The following CDS2 variants were observed in gnomAD, a reference collection of about 807,000 sequenced individuals.
The protein encoded by CDS2 is CDP-diacylglycerol synthase 2, also known as phosphatidate cytidylyltransferase 2.
A neutral mutation model predicts 59.0 loss-of-function variants in CDS2; 47 were observed. That is an observed-to-expected ratio of 0.80 (90% CI 0.63 to 1.02). The LOEUF (loss-of-function observed/expected upper bound fraction) is 1.02, where lower values mean the gene tolerates loss of function less well. CDS2 is among the 50% of genes least tolerant of loss of function. CDS2 has a pLI of 0.00. For missense variants in CDS2, 356 were observed against 558.9 expected (o/e 0.64, Z 3.66); for synonymous variants, 207 against 206.4 (o/e 1.00, Z -0.02).
rs142335149 is a variant in CDS2 at position 5,134,913 on chromosome 20, A to T, written c.57+7764A>T. On this transcript the variant is annotated intron_variant, in intron 1 of 12. Transcript: ENST00000460006. ...CATAATACTTGATAAAATCATTCAG[A>T]ATATGTTTGATAAACAAGAAGATTG... 1.5e-3 allele frequency among the ~76,000 whole-genome samples: 225 copies of T among 152,300 alleles called. 1 individual carries two copies. The highest frequency in any genetic ancestry group is 5.2e-3 in the African/African-American group (216 of 41,554).
chr20:5,139,082 C>T (rs1164509047), intron 1 of CDS2, among the ~76,000 whole-genome samples: 1 of 152,200 alleles, frequency 6.6e-6, no homozygotes, highest in Non-Finnish European at 1.5e-5. Flanking sequence ...TGGCTCATGC[C>T]TGTAATCCCA....
Position 5,179,191 on chromosome 20 carries a change from G to A in CDS2, c.529+235G>A, listed in dbSNP as rs568033076. Among the ~76,000 whole-genome samples, 10 of 148,298 alleles carry A rather than the reference G, an allele frequency of 6.7e-5. No individual in the cohort carries two copies. The East Asian group carries it at 1.2e-3, about 18-fold the overall frequency. On this transcript the variant is annotated intron_variant, in intron 5 of 12. Coordinates refer to ENST00000460006, the MANE Select transcript of CDS2 (RefSeq NM_003818.4). ...GGCCAGAGTGCAGTGGCACCATCTCGGCTGACTGCAACCTCCACCTCCCAA... is the reference window on the plus strand; with the variant it reads ...GGCCAGAGTGCAGTGGCACCATCTCAGCTGACTGCAACCTCCACCTCCCAA...
At chr20:5,185,007 G>A in intron 8 of CDS2, 62 bp downstream of exon 8, 2 of 1,184,564 alleles carry the variant, frequency 1.7e-6, no homozygotes, top group South Asian at 1.2e-5. Context: ...CTCAATGTGA[G>A]TAGATCAGCC....
chr20:5,165,972 C>T (rs1405371547), intron 1 of CDS2, among the ~76,000 whole-genome samples: 1 of 152,178 alleles, frequency 6.6e-6, no homozygotes, highest in African/African-American at 2.4e-5. Flanking sequence ...ACCCTGATCT[C>T]AAGGGGCTTG....
chr20:5,172,868 A>G (rs1197562706), intron 1 of CDS2, among the ~76,000 whole-genome samples: 1 of 152,166 alleles, frequency 6.6e-6, no homozygotes, highest in East Asian at 1.9e-4. Flanking sequence ...TGCTGCTGGC[A>G]TGGCTCTGGT....
intron 1 of CDS2, chr20:5,128,180 C>T (rs901113972): frequency 2.0e-5 from 3 of 152,228 alleles, no homozygotes; most frequent in African/African-American, 7.2e-5. Flanking sequence ...CACTTTGTCA[C>T]CTGCTCAATG....
chr20:5,145,236 A>ACCCCCCC (rs796723724), intron 1 of CDS2, among the ~76,000 whole-genome samples: 125 of 51,994 alleles, frequency 2.4e-3, no homozygotes, highest in Non-Finnish European at 2.9e-3. Flanking sequence ...GAAAGGAAAG[A>ACCCCCCC]CCCCCCCCCC....
intron 1 of CDS2, among the ~76,000 whole-genome samples, chr20:5,140,561 G>C (rs2090685385): frequency 6.6e-6 from 1 of 152,128 alleles, no homozygotes; most frequent in Admixed American, 6.5e-5. Flanking sequence ...TGAACAATAG[G>C]GCTGAGAATA....
intron 1 of CDS2, among the ~76,000 whole-genome samples, chr20:5,153,934 C>CT (rs1044150883): frequency 7.9e-5 from 12 of 152,168 alleles, no homozygotes; most frequent in African/African-American, 2.7e-4. Flanking sequence ...TGGCCTCCCC[C>CT]TAATAGGATG....
chr20:5,134,654 GGGATTACA>G (rs2090634075), intron 1 of CDS2, among the ~76,000 whole-genome samples: 1 of 151,962 alleles, frequency 6.6e-6, no homozygotes, highest in African/African-American at 2.4e-5. Flanking sequence ...CCGAGTAGCT[GGGATTACA>G]GGCGCCCACC....
chr20:5,131,882 ACAG>A (rs1381783282), intron 1 of CDS2, among the ~76,000 whole-genome samples: 6 of 152,258 alleles, frequency 3.9e-5, no homozygotes, highest in African/African-American at 1.4e-4. Flanking sequence ...GTATGGGCTG[ACAG>A]CAGAGCTTGT....
Position 5,175,196 on chromosome 20 carries a change from T to A in CDS2, c.208T>A (p.Trp70Arg), listed in dbSNP as rs761889624. The A allele has an allele frequency of 6.2e-7, 1 of 1,613,850 alleles. No individual in the cohort carries two copies. The highest frequency in any genetic ancestry group is 1.1e-5 in the South Asian group (1 of 91,064). ...SNLSSRWKNW[W>R]VRGILTLAMI... ...TCTCTGACCTAGATGGAAGAACTGG[T>A]GGGTGAGAGGCATCCTGACTTTGGC... is the stretch of plus-strand genomic sequence containing the variant. The change falls in exon 3 of 13, where the codon TGG becomes AGG. Residue 70 changes from tryptophan (W) to arginine (R), a missense_variant. Physicochemically the swap from Trp to Arg is moderately radical, Grantham distance 101. This residue lies in a region of CDS2 where 107 missense variants were observed against 129.7 expected (regional missense o/e 0.82). Transcript: ENST00000460006.
intron 1 of CDS2, among the ~76,000 whole-genome samples, chr20:5,151,353 C>T (rs895359985): frequency 9.2e-5 from 14 of 152,170 alleles, no homozygotes; most frequent in African/African-American, 3.1e-4. Context: ...AAACGCACAA[C>T]ATAAATTACC....
At chr20:5,174,855 A>G (rs1378132652) in intron 2 of CDS2, among the ~76,000 whole-genome samples, 1 of 152,180 alleles carries the variant, frequency 6.6e-6, no homozygotes, top group East Asian at 1.9e-4. Context: ...TTTTCTTCAG[A>G]TAGTCAGCTG....
chr20:5,150,577 G>A (rs1392381193), intron 1 of CDS2, among the ~76,000 whole-genome samples: 3 of 152,190 alleles, frequency 2.0e-5, no homozygotes, highest in Non-Finnish European at 4.4e-5. Flanking sequence ...AGAAGGGGAG[G>A]TGACAGGGGC....
intron 1 of CDS2, 77 bp downstream of exon 1, chr20:5,127,226 G>A: frequency 1.5e-6 from 2 of 1,303,574 alleles, no homozygotes. Flanking sequence ...GCGCAGAGGG[G>A]TCGTCTTGTT....
chr20:5,150,785 C>T (rs1015850549), intron 1 of CDS2, among the ~76,000 whole-genome samples: 6 of 152,200 alleles, frequency 3.9e-5, no homozygotes, highest in African/African-American at 4.8e-5. Context: ...ACTGTCCAAA[C>T]CCTCATTAGG....
At chr20:5,134,553 T>C (rs1600465990) in intron 1 of CDS2, among the ~76,000 whole-genome samples, 1 of 152,198 alleles carries the variant, frequency 6.6e-6, no homozygotes, top group Non-Finnish European at 1.5e-5. Context: ...GGAGTTTCTC[T>C]CTTGTTGCCC....
intron 1 of CDS2, among the ~76,000 whole-genome samples, chr20:5,159,868 C>T (rs1183857867): frequency 1.3e-5 from 2 of 152,056 alleles, no homozygotes; most frequent in Non-Finnish European, 2.9e-5. Flanking sequence ...GGGTTGTGCA[C>T]CTGTGTAAAG....
Sources: allele counts gnomAD v4.1 joint callset (sites outside exome capture counted in the v4.1 genomes callset), GRCh38; gene constraint gnomAD v4.1.1; regional missense constraint gnomAD v4.1.1; transcripts MANE v1.5; gene names NCBI Gene and HGNC (gene_info 2026-07-23, HGNC 2026-07-21).